Variants in SASH1 observed in about 807,000 individuals in gnomAD.
SASH1 encodes SAM and SH3 domain containing 1.
In SASH1, 44 loss-of-function variants were observed where a neutral mutation model predicts 125.2. The observed-to-expected ratio is 0.35, with a 90% CI of 0.28 to 0.45. The LOEUF (loss-of-function observed/expected upper bound fraction) is 0.45, where lower values mean the gene tolerates loss of function less well. Among genes scored for constraint, SASH1 ranks in the 20% least tolerant of loss-of-function variants. The pLI, the probability that SASH1 is intolerant of heterozygous loss-of-function variation, is 1.00. For synonymous variants in SASH1, 639 were observed against 649.1 expected, an observed-to-expected ratio of 0.98 and a Z score of 0.24; for missense variants, 1,426 against 1,614.5, an observed-to-expected ratio of 0.88 and a Z score of 2.00.
chr6:148,524,065 C>A, intron 10 of SASH1, among the ~76,000 whole-genome samples: 1 of 145,830 alleles, frequency 6.9e-6, no homozygotes, highest in Non-Finnish European at 1.5e-5. Flanking sequence ...CATTTTCCTT[C>A]TAGGATGTTT....
intron 2 of SASH1, among the ~76,000 whole-genome samples, chr6:148,434,704 C>T (rs1008933671): frequency 6.6e-6 from 1 of 152,018 alleles, no homozygotes; most frequent in African/African-American, 2.4e-5. Flanking sequence ...ACCTCACCAG[C>T]CACAGAAAAA....
chr6:148,238,986 C>A, the SASH1 span, among the ~76,000 whole-genome samples: 1 of 152,134 alleles, frequency 6.6e-6, no homozygotes, highest in Non-Finnish European at 1.5e-5. Flanking sequence ...GAAGCAGAGA[C>A]AAAAACTGTG....
At chr6:148,317,116 A>T (rs762823385) in intron 1 of SASH1, among the ~76,000 whole-genome samples, 3 of 152,208 alleles carry the variant, frequency 2.0e-5, no homozygotes, top group Non-Finnish European at 4.4e-5. Flanking sequence ...AAATCTAGAG[A>T]TGAATAGCAA....
rs138251473 is a variant in SASH1, at chr6:148,343,706, A to G, written c.156+483A>G. On this transcript the variant is annotated intron_variant, in intron 1 of 19. Transcript: ENST00000367467. ...GTTTTTCAATTTGTGGAGTTACAGG[A>G]TATTTGTTTTATATGTTTGGGGCTA... Among the ~76,000 whole-genome samples, 242 of 152,274 alleles carry G rather than the reference A, an allele frequency of 1.6e-3. 2 individuals are homozygous for G. The highest frequency in any genetic ancestry group is 7.1e-3 in the South Asian group (34 of 4,822).
At chr6:148,219,593 C>T in the SASH1 span, among the ~76,000 whole-genome samples, 3 of 152,294 alleles carry the variant, frequency 2.0e-5, no homozygotes, top group African/African-American at 4.8e-5. Context: ...TGAAATGGCC[C>T]TCACTCTGGC....
chr6:148,279,943 T>C (rs1779289957), intron 1 of SASH1, among the ~76,000 whole-genome samples: 1 of 148,578 alleles, frequency 6.7e-6, no homozygotes, highest in Admixed American at 6.8e-5. Context: ...GCCAAGATGA[T>C]GCCACTGCAC....
At chr6:148,517,381 G>A (rs1005441981) in intron 9 of SASH1, among the ~76,000 whole-genome samples, 1 of 152,094 alleles carries the variant, frequency 6.6e-6, no homozygotes, top group African/African-American at 2.4e-5. Context: ...TTGGTAAGCC[G>A]GTCTCAGCTG....
chr6:148,486,684 G>C (rs1464851058), intron 7 of SASH1, among the ~76,000 whole-genome samples: 1 of 150,398 alleles, frequency 6.6e-6, no homozygotes, highest in Non-Finnish European at 1.5e-5. Context: ...GGGAGGCTGA[G>C]GGGGTGGAAC....
chr6:148,536,648 G>A (rs1562494645), intron 16 of SASH1, among the ~76,000 whole-genome samples: 1 of 152,160 alleles, frequency 6.6e-6, no homozygotes, highest in Non-Finnish European at 1.5e-5. Flanking sequence ...CCAACAGCTG[G>A]TTTATATATA....
At chr6:148,507,152 A>C (rs925286690) in intron 8 of SASH1, among the ~76,000 whole-genome samples, 8 of 152,088 alleles carry the variant, frequency 5.3e-5, no homozygotes, top group Non-Finnish European at 1.2e-4. Flanking sequence ...AAAGGTTGGG[A>C]GGAGATACTT....
At chr6:148,542,499 G>A (rs913249332) in intron 17 of SASH1, among the ~76,000 whole-genome samples, 5 of 152,174 alleles carry the variant, frequency 3.3e-5, no homozygotes, top group African/African-American at 9.6e-5. Context: ...CCATTCTCCC[G>A]CCTCAGCCTC....
intron 1 of SASH1, among the ~76,000 whole-genome samples, chr6:148,332,037 T>C (rs989268630): frequency 6.6e-6 from 1 of 152,136 alleles, no homozygotes; most frequent in African/African-American, 2.4e-5. Context: ...TTATTTCCCT[T>C]CTCTCCCTAG....
chr6:148,422,325 A>G (rs1785137502), intron 2 of SASH1, among the ~76,000 whole-genome samples: 1 of 152,200 alleles, frequency 6.6e-6, no homozygotes, highest in African/African-American at 2.4e-5. Context: ...CTCCTCCCAT[A>G]TTAGTAGTCA....
rs369545442 is a variant in SASH1, at chr6:148,531,654, C to T, written c.1557C>T (p.Ser519=). 12 of 1,533,216 alleles carry T rather than the reference C, an allele frequency of 7.8e-6. No individual in the cohort carries two copies. Among genetic ancestry groups the T allele is most frequent in the Non-Finnish European group, 1.1e-5 (12 of 1,141,626 alleles). The allele number at this position is 1,533,216 out of a possible 1,614,324, so 95.0% of individuals were successfully genotyped here. The change falls in exon 13 of 20, where the codon AGC becomes AGT. Residue 519 remains serine (S), a synonymous_variant. Transcript: ENST00000367467. ...ESLRSSLSGQ[S]SMSGQTVSTT... Reference sequence around the variant, plus strand: ...TTCGCAGTTCTCTCAGTGGGCAGAGCTCCATGAGTAAGTCGAGTTTGTCAT... The same window carrying T: ...TTCGCAGTTCTCTCAGTGGGCAGAGTTCCATGAGTAAGTCGAGTTTGTCAT...
chr6:148,547,861 G>A (rs1204818099), intron 19 of SASH1, among the ~76,000 whole-genome samples: 3 of 152,046 alleles, frequency 2.0e-5, no homozygotes, highest in Non-Finnish European at 4.4e-5. Context: ...TAATTTTCTG[G>A]TTGTTAACAT....
chr6:148,308,126 C>A (rs1780191741), intron 1 of SASH1, among the ~76,000 whole-genome samples: 3 of 152,126 alleles, frequency 2.0e-5, no homozygotes, highest in African/African-American at 7.2e-5. Context: ...TTCTAACCTC[C>A]ATGTCCCTCT....
intron 2 of SASH1, among the ~76,000 whole-genome samples, chr6:148,420,310 C>T (rs1359594374): frequency 9.2e-5 from 14 of 151,920 alleles, no homozygotes; most frequent in Non-Finnish European, 2.9e-5. Flanking sequence ...GTTCTGCTTT[C>T]GACTGTAAAA....
intron 16 of SASH1, among the ~76,000 whole-genome samples, chr6:148,539,400 G>C (rs1782080448): frequency 6.6e-6 from 1 of 151,546 alleles, no homozygotes; most frequent in Non-Finnish European, 1.5e-5. Context: ...ATATCACTTT[G>C]TATGCCTTTA....
At chr6:148,258,758 T>C in the SASH1 span, among the ~76,000 whole-genome samples, 1 of 152,234 alleles carries the variant, frequency 6.6e-6, no homozygotes, top group Non-Finnish European at 1.5e-5. Context: ...ACTCACGGCT[T>C]CCACAGTTTT....
Sources: gnomAD v4.1 joint callset for allele counts (sites outside exome capture counted in the v4.1 genomes callset) on GRCh38, gnomAD v4.1.1 for gene constraint, MANE v1.5 for transcripts, NCBI Gene and HGNC (gene_info 2026-07-23, HGNC 2026-07-21) for gene names.